The following CLASP1 variants were observed in gnomAD, a reference collection of about 807,000 sequenced individuals.
CLASP1 encodes the protein cytoplasmic linker associated protein 1, also known as CLIP-associating protein 1.
In CLASP1, 38 loss-of-function variants were observed where a neutral mutation model predicts 192.3. The ratio of observed to expected loss-of-function variants is 0.20; its 90% CI spans 0.15 to 0.26. The LOEUF (loss-of-function observed/expected upper bound fraction) is 0.26, where lower values mean the gene tolerates loss of function less well. CLASP1 is among the 10% of genes least tolerant of loss of function. The pLI, the probability that CLASP1 is intolerant of heterozygous loss-of-function variation, is 1.00. For synonymous variants in CLASP1, 691 were observed against 712.8 expected (o/e 0.97, Z 0.49); for missense variants, 1,433 against 1,932.5 (o/e 0.74, Z 4.85).
chr2:121,404,115 T>C (rs1316882210), intron 26 of CLASP1, among the ~76,000 whole-genome samples: 1 of 152,216 alleles, frequency 6.6e-6, no homozygotes, highest in African/African-American at 2.4e-5. Context: ...TTGCTGAATA[T>C]AAGAAAGACC....
In CLASP1 at chr2:121,460,203, T is replaced by C. The variant is rs1319058272; in HGVS notation, c.1033-78A>G. The stretch of plus-strand genomic sequence containing the variant: ...ATACACAACAAAAGAAGTCATCAAA[T>C]ACAAAAGAGATCATTGTTAAAGTTC... On this transcript the variant is annotated intron_variant, in intron 11 of 39. Transcript: ENST00000263710. 6 of 1,174,026 alleles carry C rather than the reference T, an allele frequency of 5.1e-6. No individual in the cohort carries two copies. In the East Asian group the frequency reaches 7.1e-5, roughly 14 times the overall value. The allele number at this position is 1,174,026 out of a possible 1,614,324, so 72.7% of individuals were successfully genotyped here.
chr2:121,586,997 CTT>C (rs940979724), intron 2 of CLASP1, among the ~76,000 whole-genome samples: 2 of 152,170 alleles, frequency 1.3e-5, no homozygotes, highest in Admixed American at 6.5e-5. Flanking sequence ...AATCCCAACA[CTT>C]TGGGAGGCCG....
chr2:121,364,937 G>A (rs1573838420), intron 36 of CLASP1, 157 bp downstream of exon 37: 2 of 739,926 alleles, frequency 2.7e-6, no homozygotes, highest in Non-Finnish European at 4.6e-6. Flanking sequence ...CTTACTAAAC[G>A]TGCTCAGAAA....
chr2:121,384,059 T>C (rs1452370910), intron 32 of CLASP1, among the ~76,000 whole-genome samples: 2 of 135,182 alleles, frequency 1.5e-5, no homozygotes, highest in East Asian at 3.9e-4. Flanking sequence ...CACACATATA[T>C]GTATATATAC....
At chr2:121,644,242 G>T (rs2072691157) in intron 1 of CLASP1, among the ~76,000 whole-genome samples, 1 of 151,876 alleles carries the variant, frequency 6.6e-6, no homozygotes, top group Admixed American at 6.6e-5. Flanking sequence ...AATGCACAAG[G>T]AAATTTGAAA....
chr2:121,619,352 T>C (rs888518122), intron 1 of CLASP1, among the ~76,000 whole-genome samples: 6 of 152,150 alleles, frequency 3.9e-5, no homozygotes, highest in African/African-American at 1.2e-4. Flanking sequence ...ATTAGAAAAA[T>C]AGTATTCAAA....
intron 25 of CLASP1, among the ~76,000 whole-genome samples, chr2:121,406,087 C>G (rs1271427923): frequency 6.6e-6 from 1 of 152,184 alleles, no homozygotes; most frequent in Non-Finnish European, 1.5e-5. Context: ...CTCCCGTTTT[C>G]ACATCTCTGT....
At position 121,370,382 on chromosome 2, in the gene CLASP1, A is replaced by G. The variant is rs568557707; in HGVS notation, c.3643-2551T>C. On this transcript the variant is annotated intron_variant, in intron 34 of 39. Coordinates refer to ENST00000263710, the Ensembl canonical transcript of CLASP1. Reference sequence around the variant, plus strand: ...TCTTGTCGCCCAGGCTGGAGTGTAAATGGTGCAATCTCGGCTCACTGCAAC... The same window carrying G: ...TCTTGTCGCCCAGGCTGGAGTGTAAGTGGTGCAATCTCGGCTCACTGCAAC... Among the ~76,000 whole-genome samples the G allele has an allele frequency of 2.0e-5, 3 of 152,018 alleles. No homozygotes were observed. In the East Asian group the frequency reaches 5.8e-4, roughly 29 times the overall value.
Position 121,515,779 on chromosome 2 carries a change from A to C in CLASP1, c.547-17T>G. 2 of 1,605,132 alleles carry C rather than the reference A, an allele frequency of 1.2e-6. No individual in the cohort carries two copies. Among genetic ancestry groups the C allele is most frequent in the Non-Finnish European group, 1.7e-6 (2 of 1,172,166 alleles). On this transcript the variant is annotated splice_polypyrimidine_tract_variant and intron_variant, in intron 6 of 39. Coordinates refer to ENST00000263710, the Ensembl canonical transcript of CLASP1. ...ATCTCGAACCTAGATATAAAAGAAGAGATCTTACAGCTGCTCTGTGTCATC... is the reference window on the plus strand; with the variant it reads ...ATCTCGAACCTAGATATAAAAGAAGCGATCTTACAGCTGCTCTGTGTCATC...
exon 7 of CLASP1, chr2:121,515,699 C>T (rs1439277810): frequency 6.2e-7 from 1 of 1,613,918 alleles, no homozygotes; most frequent in African/African-American, 1.3e-5. Flanking sequence ...CTGAGATCTG[C>T]CCTCACACGT....
intron 18 of CLASP1, 124 bp from the exon 19 acceptor site, chr2:121,447,631 T>C (rs2084610481): frequency 3.6e-6 from 3 of 831,766 alleles, no homozygotes; most frequent in East Asian, 2.7e-5. Context: ...TGCTGGAGCA[T>C]AAAAAACTGA....
intron 1 of CLASP1, among the ~76,000 whole-genome samples, chr2:121,643,600 G>C (rs72956556): frequency 0.038 from 5,831 of 152,108 alleles, 162 homozygotes; most frequent in East Asian, 0.14. Context: ...TTTTAAATCT[G>C]GCCATTATTA....
At chr2:121,408,092 G>A (rs911606937) in intron 24 of CLASP1, among the ~76,000 whole-genome samples, 4 of 152,136 alleles carry the variant, frequency 2.6e-5, no homozygotes, top group African/African-American at 7.2e-5. Context: ...TATCATACAG[G>A]CTTGTTGTGA....
At chr2:121,356,847 G>A (rs2065481245) in intron 37 of CLASP1, among the ~76,000 whole-genome samples, 1 of 152,302 alleles carries the variant, frequency 6.6e-6, no homozygotes, top group South Asian at 2.1e-4. Context: ...GATTTATTCT[G>A]TTCTACTCTA....
At chr2:121,387,790 G>A (rs1198747223) in exon 31 of CLASP1, 3 of 1,613,864 alleles carry the variant, frequency 1.9e-6, no homozygotes, top group African/African-American at 2.7e-5. Flanking sequence ...AATTCTTGAG[G>A]TGGTTGTGCA....
In CLASP1 at chr2:121,609,714, G is replaced by A. The variant is rs182177588; in HGVS notation, c.-285-3534C>T. ...TCCCAAGACTTTGGGAGGCTGAGGC[G>A]GGCGGATCATGAGGTCAGGAGATGG... On this transcript the variant is annotated intron_variant, in intron 1 of 39. Transcript: ENST00000263710. 7.6e-3 allele frequency among the ~76,000 whole-genome samples: 1,153 copies of A among 152,218 alleles called. 15 individuals carry two copies. The highest frequency in any genetic ancestry group is 0.026 in the African/African-American group (1,075 of 41,508).
chr2:121,398,293 T>C (rs753474362), intron 29 of CLASP1, 29 bp downstream of exon 30: 1 of 1,513,166 alleles, frequency 6.6e-7, no homozygotes, highest in South Asian at 1.2e-5. Flanking sequence ...AGTTCCAGGG[T>C]TGAATTGTAA....
chr2:121,469,720 T>C, intron 9 of CLASP1, 88 bp downstream of exon 9: 2 of 1,358,724 alleles, frequency 1.5e-6, no homozygotes, highest in African/African-American at 1.5e-5. Flanking sequence ...GTATCACTTC[T>C]GAGGGCCACC....
chr2:121,435,993 T>C (rs1048855787), intron 19 of CLASP1, among the ~76,000 whole-genome samples: 19 of 152,192 alleles, frequency 1.2e-4, no homozygotes, highest in African/African-American at 4.6e-4. Context: ...TAGTTTCTTT[T>C]TCTAGTGGCT....
Sources: allele counts gnomAD v4.1 joint callset (sites outside exome capture counted in the v4.1 genomes callset), GRCh38; gene constraint gnomAD v4.1.1; transcripts MANE v1.5; gene names NCBI Gene and HGNC (gene_info 2026-07-23, HGNC 2026-07-21).